TCF3: variants seen among roughly 807,000 people sequenced by gnomAD.
TCF3 encodes the protein transcription factor E2-alpha.
TCF3 carries 54 observed loss-of-function variants against 72.3 expected under a neutral mutation model. The ratio of observed to expected loss-of-function variants is 0.75; its 90% CI spans 0.60 to 0.94. The LOEUF (loss-of-function observed/expected upper bound fraction) is 0.94. Among genes scored for constraint, TCF3 ranks in the 40% least tolerant of loss-of-function variants. The pLI is 0.00. For synonymous variants in TCF3, 525 were observed against 412.6 expected (o/e 1.27, Z -3.30); for missense variants, 1,078 against 934.4 (o/e 1.15, Z -2.00).
At chr19:1,626,765 C>G (rs1568402153) in intron 6 of TCF3, among the ~76,000 whole-genome samples, 1 of 152,198 alleles carries the variant, frequency 6.6e-6, no homozygotes, top group Admixed American at 6.5e-5. Context: ...ACCCGGCTGG[C>G]CCCCTCCATC....
Position 1,615,316 on chromosome 19 carries a change from C to T in TCF3, c.1791G>A (p.Ser597=), listed in dbSNP as rs147690653. ...TKLLILHQAV[S]VILNLEQQVR... ...CTTGCTGCTCCAAGTTCAGGATGACCGAGACAGCCTGGTGCAGGATGAGCA... is the reference window on the plus strand; with the variant it reads ...CTTGCTGCTCCAAGTTCAGGATGACTGAGACAGCCTGGTGCAGGATGAGCA... Residue 597 remains serine (S), a synonymous_variant, in exon 18 of 19, where the codon TCG becomes TCA. Coordinates refer to ENST00000262965, the MANE Select transcript of TCF3 (RefSeq NM_003200.5). This position sits in a 1 kb window ranked among gnomAD's most constrained non-coding sequence, Gnocchi z 7.3. 151 of 1,603,796 alleles carry T rather than the reference C, an allele frequency of 9.4e-5. No homozygotes were observed. The highest frequency in any genetic ancestry group is 1.7e-4 in the Middle Eastern group (1 of 6,036).
chr19:1,638,413 G>A (rs1314637086), intron 3 of TCF3, among the ~76,000 whole-genome samples: 1 of 152,096 alleles, frequency 6.6e-6, no homozygotes, highest in Non-Finnish European at 1.5e-5. Context: ...CTGTCGCCCA[G>A]GCTGGACTAC....
At position 1,621,223 on chromosome 19, in the gene TCF3, C is replaced by G. The variant is rs2062162205; in HGVS notation, c.956-32G>C. On this transcript the variant is annotated intron_variant, in intron 11 of 18. Coordinates refer to ENST00000262965, the MANE Select transcript of TCF3 (RefSeq NM_003200.5). ...GTGAAGAGAGGTGAGGCCCACGCAG[C>G]CCGGCCTGGGTGCTGCCGCCGACGG... is the stretch of plus-strand genomic sequence containing the variant. The G allele has an allele frequency of 2.0e-6, 3 of 1,529,102 alleles. No homozygotes were observed. The African/African-American group carries it at 4.1e-5, about 21-fold the overall frequency. The allele number at this position is 1,529,102 out of a possible 1,614,324, so 94.7% of individuals were successfully genotyped here.
At chr19:1,624,390 G>A (rs913661536) in intron 7 of TCF3, among the ~76,000 whole-genome samples, 1 of 152,144 alleles carries the variant, frequency 6.6e-6, no homozygotes, top group East Asian at 1.9e-4. Flanking sequence ...GAAAGACTCC[G>A]TCTCAAAACA....
chr19:1,632,107 C>T lies in TCF3; in HGVS notation c.229G>A (p.Glu77Lys), dbSNP rs138963927. Reference protein sequence around the residue: ...SSFDPSRTFSEGTHFTESHSS... With the variant: ...SSFDPSRTFSKGTHFTESHSS... Reference sequence around the variant, plus strand: ...TGCGACTCAGTGAAGTGGGTGCCCTCGCTGAAGGTCTAGGGGAGATGGGGT... The same window carrying T: ...TGCGACTCAGTGAAGTGGGTGCCCTTGCTGAAGGTCTAGGGGAGATGGGGT... The change falls in exon 5 of 19, where the codon GAG (glutamate) becomes AAG (lysine). Residue 77 changes from glutamate (E) to lysine (K), a missense_variant. By Grantham distance (56) the Glu-to-Lys change is moderately conservative. Transcript: ENST00000262965. The T allele has an allele frequency of 2.4e-4, 383 of 1,612,886 alleles. No individual in the cohort carries two copies. Among genetic ancestry groups the T allele is most frequent in the Non-Finnish European group, 3.1e-4 (367 of 1,179,634 alleles).
chr19:1,650,255 G>A lies in TCF3; in HGVS notation c.-7C>T, dbSNP rs1300952641. 10 of 1,559,274 alleles carry A rather than the reference G, an allele frequency of 6.4e-6. No individual in the cohort carries two copies. Among genetic ancestry groups the A allele is most frequent in the Non-Finnish European group, 7.8e-6 (9 of 1,152,912 alleles). The stretch of plus-strand genomic sequence containing the variant: ...TCCTCTGCGGCTGGTTCATTCTCCT[G>A]GGGCCAGGGCGGGCACCTCAGGCCT... On this transcript the variant is annotated 5_prime_UTR_variant, in exon 2 of 19. Transcript: ENST00000262965.
chr19:1,633,847 G>A (rs1443535494), intron 3 of TCF3, among the ~76,000 whole-genome samples: 1 of 152,200 alleles, frequency 6.6e-6, no homozygotes, highest in Non-Finnish European at 1.5e-5. Context: ...GGCCAGGGTG[G>A]GCTGGCTGTG....
chr19:1,615,288 G>A lies in TCF3; in HGVS notation c.1819C>T (p.Arg607Ter), dbSNP rs746665695. The A allele has an allele frequency of 3.1e-6, 5 of 1,589,806 alleles. No individual in the cohort carries two copies. Among genetic ancestry groups the A allele is most frequent in the African/African-American group, 1.3e-5 (1 of 74,478 alleles). ...SVILNLEQQV[R>*]ERNLNPKAAC... ...GGTGGCCCGCGCCCCCACTGACCTC[G>A]CACTTGCTGCTCCAAGTTCAGGATG... is the stretch of plus-strand genomic sequence containing the variant. Residue 607 changes from arginine (R) to a stop codon, truncating the protein, a stop_gained, in exon 18 of 19, where the codon CGA becomes TGA. Transcript: ENST00000262965. LOFTEE classifies it low-confidence loss of function (END_TRUNC). This position sits in a 1 kb window ranked among gnomAD's most constrained non-coding sequence, Gnocchi z 7.3.
At chr19:1,641,893 C>T (rs2065296151) in intron 3 of TCF3, among the ~76,000 whole-genome samples, 1 of 152,050 alleles carries the variant, frequency 6.6e-6, no homozygotes, top group Non-Finnish European at 1.5e-5. Context: ...TGACCCAGCC[C>T]TCTACAAAAT....
intron 18 of TCF3, chr19:1,612,167 A>C (rs1359710200): frequency 1.3e-6 from 2 of 1,527,966 alleles, no homozygotes; most frequent in African/African-American, 1.4e-5. Flanking sequence ...GGTGTGGGGA[A>C]GGGAGAGGGT....
At chr19:1,636,611 C>T (rs2064441634) in intron 3 of TCF3, among the ~76,000 whole-genome samples, 1 of 152,162 alleles carries the variant, frequency 6.6e-6, no homozygotes, top group Admixed American at 6.5e-5. Flanking sequence ...TAAATTCAAG[C>T]TATGGGAGAA....
At chr19:1,619,067 C>G in intron 16 of TCF3, 44 bp downstream of exon 16, 3 of 1,598,336 alleles carry the variant, frequency 1.9e-6, no homozygotes, top group Non-Finnish European at 2.5e-6. Context: ...TCAGTTTCCC[C>G]AACTGGAACC....
At chr19:1,634,076 G>A (rs2064072499) in intron 3 of TCF3, among the ~76,000 whole-genome samples, 1 of 152,216 alleles carries the variant, frequency 6.6e-6, no homozygotes, top group Non-Finnish European at 1.5e-5. Context: ...CGCCCCCGAA[G>A]TTCACTCCAA....
intron 7 of TCF3, among the ~76,000 whole-genome samples, chr19:1,624,796 G>C (rs1461597238): frequency 5.3e-5 from 8 of 152,194 alleles, no homozygotes; most frequent in Non-Finnish European, 7.4e-5. Flanking sequence ...TCCTGTCCTT[G>C]GTCTATTCAG....
At chr19:1,625,005 T>A (rs2062710650) in intron 7 of TCF3, among the ~76,000 whole-genome samples, 1 of 152,092 alleles carries the variant, frequency 6.6e-6, no homozygotes, top group Non-Finnish European at 1.5e-5. Context: ...GCCACCATAC[T>A]TAGCTAATTT....
intron 5 of TCF3, 55 bp from the exon 6 acceptor site, chr19:1,627,481 G>A (rs1599716164): frequency 4.6e-6 from 7 of 1,523,232 alleles, no homozygotes; most frequent in South Asian, 3.4e-5. Context: ...CATCCTGAGG[G>A]CCCCCGAGTG....
chr19:1,632,021 C>T lies in TCF3; in HGVS notation c.298+17G>A. 2 of 1,611,292 alleles carry T rather than the reference C, an allele frequency of 1.2e-6. No homozygotes were observed. Among genetic ancestry groups the T allele is most frequent in the Non-Finnish European group, 8.5e-7 (1 of 1,178,830 alleles). ...ATCTGTGCACAGCAGAGGGACCGCA[C>T]CAGGCCAGGCACTCACCTCCGAGTC... is the stretch of plus-strand genomic sequence containing the variant. On this transcript the variant is annotated intron_variant, in intron 5 of 18. Transcript: ENST00000262965.
intron 3 of TCF3, among the ~76,000 whole-genome samples, chr19:1,637,322 A>AGGACAACCTCCTCCACCAGAACCAG (rs1188856833): frequency 6.7e-6 from 1 of 148,208 alleles, no homozygotes; most frequent in South Asian, 2.1e-4. Context: ...ACCAGAACCG[A>AGGACAACCTCCTCCACCAGAACCAG]GGACAACCTC....
chr19:1,615,386 C>T lies in TCF3; in HGVS notation c.1721G>A (p.Arg574His), dbSNP rs749950119. Reference protein sequence around the residue: ...DINEAFKELGRMCQLHLNSEK... With the variant: ...DINEAFKELGHMCQLHLNSEK... ...GCTGTTGAGGTGCAGTTGGCACATGCGCCCCAGCTCCTTAAAGGCCTCGTT... is the reference window on the plus strand; with the variant it reads ...GCTGTTGAGGTGCAGTTGGCACATGTGCCCCAGCTCCTTAAAGGCCTCGTT... The change falls in exon 18 of 19, where the codon CGC (arginine) becomes CAC (histidine). Residue 574 changes from arginine (R) to histidine (H), a missense_variant. By Grantham distance (29) the Arg-to-His change is conservative (BLOSUM62 0). Coordinates refer to ENST00000262965, the MANE Select transcript of TCF3 (RefSeq NM_003200.5). This position sits in a 1 kb window ranked among gnomAD's most constrained non-coding sequence, Gnocchi z 7.3. 32 of 1,613,924 alleles carry T rather than the reference C, an allele frequency of 2.0e-5. No homozygotes were observed. Among genetic ancestry groups the T allele is most frequent in the Non-Finnish European group, 2.3e-5 (27 of 1,179,982 alleles).
Sources: gnomAD v4.1 joint callset for allele counts (sites outside exome capture counted in the v4.1 genomes callset) on GRCh38, gnomAD v4.1.1 for gene constraint, Gnocchi (gnomAD v3.1) non-coding constraint, MANE v1.5 for transcripts, NCBI Gene and HGNC (gene_info 2026-07-23, HGNC 2026-07-21) for gene names.